Variants in PCDHGA7 observed in about 807,000 individuals in gnomAD.
PCDHGA7 encodes the protein protocadherin gamma subfamily A, 7.
PCDHGA7 carries 44 observed loss-of-function variants against 58.3 expected under a neutral mutation model. The ratio of observed to expected loss-of-function variants is 0.75; its 90% CI spans 0.59 to 0.97. The LOEUF is 0.97. PCDHGA7 is among the 50% of genes least tolerant of loss of function. The pLI, the probability that PCDHGA7 is intolerant of heterozygous loss-of-function variation, is 0.00. For synonymous variants in PCDHGA7, 516 were observed against 504.2 expected, an observed-to-expected ratio of 1.02 and a Z score of -0.31; for missense variants, 1,266 against 1,188.7, an observed-to-expected ratio of 1.06 and a Z score of -0.96.
intron 3 of PCDHGA7, among the ~76,000 whole-genome samples, chr5:141,507,784 T>C (rs2099863290): frequency 6.6e-6 from 1 of 152,136 alleles, no homozygotes; most frequent in Non-Finnish European, 1.5e-5. Context: ...GGCCTGACCC[T>C]CGTCTAAGCC....
chr5:141,480,407 C>T (rs906445993), intron 1 of PCDHGA7, among the ~76,000 whole-genome samples: 1 of 139,782 alleles, frequency 7.2e-6, no homozygotes, highest in Admixed American at 7.0e-5. Context: ...AGAGTGAGAC[C>T]CTGTCTCAAA....
Position 141,432,028 on chromosome 5 carries a change from C to T in PCDHGA7, c.2424+46705C>T, listed in dbSNP as rs776543767. ...TTCCTAGCTACAACATCACAGTGAC[C>T]GCCACTGACCGGGGAACCCCGCCCC... On this transcript the variant is annotated intron_variant, in intron 1 of 3. Coordinates refer to ENST00000518325, the MANE Select transcript of PCDHGA7 (RefSeq NM_018920.4). The surrounding 1 kb of genome is among the most constrained non-coding windows in gnomAD (Gnocchi z 6.0). The T allele has an allele frequency of 1.1e-5, 18 of 1,614,050 alleles. No individual in the cohort carries two copies. The highest frequency in any genetic ancestry group is 9.9e-5 in the South Asian group (9 of 91,090).
Position 141,383,695 on chromosome 5 carries a change from G to C in PCDHGA7, c.796G>C (p.Ala266Pro), listed in dbSNP as rs373055594. Residue 266 changes from alanine to proline, a missense_variant, in exon 1 of 4, where the codon GCT becomes CCT. Physicochemically the swap from Ala to Pro is conservative, Grantham distance 27 (BLOSUM62 -1). Coordinates refer to ENST00000518325, the MANE Select transcript of PCDHGA7 (RefSeq NM_018920.4). ...GGGTACAAGACTGCTCACGGTACATGCTATCGACCTGGACGAGGGAGTCAA... is the reference window on the plus strand; with the variant it reads ...GGGTACAAGACTGCTCACGGTACATCCTATCGACCTGGACGAGGGAGTCAA... ...PVGTRLLTVH[A>P]IDLDEGVNGE... The C allele has an allele frequency of 1.9e-6, 3 of 1,613,974 alleles. No individual in the cohort carries two copies. Among genetic ancestry groups the C allele is most frequent in the Non-Finnish European group, 2.5e-6 (3 of 1,179,856 alleles).
chr5:141,390,601 C>T, intron 1 of PCDHGA7: 1 of 317,490 alleles, frequency 3.1e-6, no homozygotes. Context: ...TTTTCCTATA[C>T]ATTTTCCTTC....
At chr5:141,413,462 G>A (rs750915907) in intron 1 of PCDHGA7, 4 of 1,614,120 alleles carry the variant, frequency 2.5e-6, no homozygotes, top group East Asian at 2.2e-5. Flanking sequence ...AGGATAGACC[G>A]GGAGGAGCTC....
intron 1 of PCDHGA7, among the ~76,000 whole-genome samples, chr5:141,438,587 CAT>C (rs1372372472): frequency 3.8e-4 from 28 of 73,432 alleles, no homozygotes; most frequent in African/African-American, 1.4e-3. Flanking sequence ...TACATACATA[CAT>C]ACATATATAT....
chr5:141,445,361 G>A (rs2098464750), intron 1 of PCDHGA7, among the ~76,000 whole-genome samples: 2 of 152,138 alleles, frequency 1.3e-5, no homozygotes, highest in African/African-American at 4.8e-5. Context: ...GCCCAAGTCT[G>A]GTCCTGGGTG....
chr5:141,451,806 A>G (rs145650418), intron 1 of PCDHGA7, among the ~76,000 whole-genome samples: 6,855 of 150,824 alleles, frequency 0.045, 259 homozygotes, highest in African/African-American at 0.1. Context: ...GCTTGAACCC[A>G]GGAGGCGGAG....
chr5:141,439,636 G>A (rs114401133), intron 1 of PCDHGA7, among the ~76,000 whole-genome samples: 27 of 152,206 alleles, frequency 1.8e-4, no homozygotes, highest in Non-Finnish European at 2.9e-4. Context: ...CAGACATTCC[G>A]GCTTGGTGGC....
In PCDHGA7 at chr5:141,385,098, G is replaced by A. The variant is rs1175088584; in HGVS notation, c.2199G>A (p.Ala733=). The stretch of plus-strand genomic sequence containing the variant: ...TGCAGGCTTCAGAAGGTGGCTTGGC[G>A]AACGTGCCCACCTCGCACTTTGTGG... ...RLLQASEGGL[A]NVPTSHFVGM... Residue 733 remains alanine (A), a synonymous_variant, in exon 1 of 4, where the codon GCG becomes GCA. Transcript: ENST00000518325. The A allele has an allele frequency of 1.2e-6, 2 of 1,614,080 alleles. No individual in the cohort carries two copies. The highest frequency in any genetic ancestry group is 1.7e-6 in the Non-Finnish European group (2 of 1,180,054).
chr5:141,402,710 C>T (rs2094297033), intron 1 of PCDHGA7, among the ~76,000 whole-genome samples: 1 of 152,092 alleles, frequency 6.6e-6, no homozygotes, highest in African/African-American at 2.4e-5. Context: ...GGTGTAGTAA[C>T]GGCTTAGGAC....
chr5:141,398,799 C>T (rs2093705548), intron 1 of PCDHGA7: 3 of 1,613,848 alleles, frequency 1.9e-6, no homozygotes, highest in East Asian at 2.2e-5. Context: ...CCCTAAGCGG[C>T]ACCACTGAGC....
intron 1 of PCDHGA7, among the ~76,000 whole-genome samples, chr5:141,445,078 G>T (rs1591839605): frequency 6.6e-6 from 1 of 152,208 alleles, no homozygotes; most frequent in East Asian, 1.9e-4. Flanking sequence ...TCATTAAATT[G>T]TCCCTACATA....
At position 141,410,026 on chromosome 5, in the gene PCDHGA7, G is replaced by A. The variant is rs571122351; in HGVS notation, c.2424+24703G>A. 37 of 1,613,302 alleles carry A rather than the reference G, an allele frequency of 2.3e-5. 2 individuals carry two copies. The East Asian group carries it at 8.0e-4, about 35-fold the overall frequency. On this transcript the variant is annotated intron_variant, in intron 1 of 3. Coordinates refer to ENST00000518325, the MANE Select transcript of PCDHGA7 (RefSeq NM_018920.4). ...ACAACGCCTGGCTGTCCTACCACGTGCTGCAGGCCAGTGAGCCCGGACTCT... is the reference window on the plus strand; with the variant it reads ...ACAACGCCTGGCTGTCCTACCACGTACTGCAGGCCAGTGAGCCCGGACTCT...
intron 1 of PCDHGA7, chr5:141,392,972 G>T: frequency 6.2e-7 from 1 of 1,613,920 alleles, no homozygotes. Context: ...AGGACCTGGG[G>T]CTGGACCCCC....
intron 1 of PCDHGA7, among the ~76,000 whole-genome samples, chr5:141,462,105 G>A (rs2099031983): frequency 6.6e-6 from 1 of 152,170 alleles, no homozygotes; most frequent in South Asian, 2.1e-4. Flanking sequence ...TTACAGGCAT[G>A]AGCCACTGCA....
At chr5:141,405,370 G>C in intron 1 of PCDHGA7, 1 of 1,606,236 alleles carries the variant, frequency 6.2e-7, no homozygotes, top group Non-Finnish European at 8.5e-7. Flanking sequence ...ACACCCCTTT[G>C]GTTCCGGTGA....
At chr5:141,475,071 C>T (rs1198043142) in intron 1 of PCDHGA7, among the ~76,000 whole-genome samples, 2 of 152,198 alleles carry the variant, frequency 1.3e-5, no homozygotes, top group Non-Finnish European at 2.9e-5. Context: ...AGCTTTGCTG[C>T]CATTATTTCA....
Position 141,477,201 on chromosome 5 carries a change from C to T in PCDHGA7, c.2425-17606C>T, listed in dbSNP as rs1269388368. 6.2e-7 allele frequency: 1 copy of T among 1,614,076 alleles called. No homozygotes were observed. Among genetic ancestry groups the T allele is most frequent in the Non-Finnish European group, 8.5e-7 (1 of 1,180,056 alleles). On this transcript the variant is annotated intron_variant, in intron 1 of 3. Transcript: ENST00000518325. The surrounding 1 kb of genome is among the most constrained non-coding windows in gnomAD (Gnocchi z 4.9). ...GTCACCTCCGTGTACAGCCCAGTAC[C>T]CGAGGATGCCCCTCTGGGGACTGTC... is the stretch of plus-strand genomic sequence containing the variant.
Sources: allele counts gnomAD v4.1 joint callset (sites outside exome capture counted in the v4.1 genomes callset), GRCh38; gene constraint gnomAD v4.1.1; non-coding constraint Gnocchi (gnomAD v3.1); transcripts MANE v1.5; gene names NCBI Gene and HGNC (gene_info 2026-07-23, HGNC 2026-07-21).